The following KLHL29 variants were observed in gnomAD, a reference collection of about 807,000 sequenced individuals.
KLHL29 encodes kelch like family member 29.
In KLHL29, 21 loss-of-function variants were observed where a neutral mutation model predicts 80.4. That is an observed-to-expected ratio of 0.26 (90% CI 0.19 to 0.38). The LOEUF (loss-of-function observed/expected upper bound fraction) is 0.38. Among genes scored for constraint, KLHL29 ranks in the 10% least tolerant of loss-of-function variants. KLHL29 has a pLI of 1.00. For missense variants in KLHL29, 867 were observed against 1,223.9 expected (o/e 0.71, Z 4.35); for synonymous variants, 511 against 526.8 (o/e 0.97, Z 0.41).
At position 23,684,727 on chromosome 2, in the gene KLHL29, G is replaced by A. The variant is rs547244734; in HGVS notation, c.1079+190G>A. The stretch of plus-strand genomic sequence containing the variant: ...CACACAGCCTCAGAGCAGCCACTGC[G>A]CCCAGCACCCGCCCCCACCCACAGC... On this transcript the variant is annotated intron_variant, in intron 6 of 13. Coordinates refer to ENST00000486442, the MANE Select transcript of KLHL29 (RefSeq NM_052920.2). The surrounding 1 kb of genome is among the most constrained non-coding windows in gnomAD (Gnocchi z 4.4). Among the ~76,000 whole-genome samples the A allele has an allele frequency of 2.0e-5, 3 of 151,868 alleles. No individual in the cohort carries two copies. Among genetic ancestry groups the A allele is most frequent in the Admixed American group, 6.6e-5 (1 of 15,248 alleles).
chr2:23,700,072 C>CTT lies in KLHL29; in HGVS notation c.2106-3112_2106-3111dup, dbSNP rs1305653697. On this transcript the variant is annotated intron_variant, in intron 11 of 13. Coordinates refer to ENST00000486442, the MANE Select transcript of KLHL29 (RefSeq NM_052920.2). This position sits in a 1 kb window ranked among gnomAD's most constrained non-coding sequence, Gnocchi z 4.6. Reference sequence around the variant, plus strand: ...AAATGGACTCCACGTTCCCTCTGCACTTTGGATTCCATTTGCATCCACCTC... The same window carrying CTT: ...AAATGGACTCCACGTTCCCTCTGCACTTTTTGGATTCCATTTGCATCCACCTC... Among the ~76,000 whole-genome samples, 1 of 152,234 alleles carries CTT rather than the reference C, an allele frequency of 6.6e-6. No homozygotes were observed. Among genetic ancestry groups the CTT allele is most frequent in the Non-Finnish European group, 1.5e-5 (1 of 68,036 alleles).
chr2:23,523,031 T>TG (rs1275724256), intron 2 of KLHL29, among the ~76,000 whole-genome samples: 1 of 142,778 alleles, frequency 7.0e-6, no homozygotes, highest in Non-Finnish European at 1.5e-5. Context: ...CCTGTGGGGG[T>TG]GGTTACGGGC....
chr2:23,706,507 A>G lies in KLHL29; in HGVS notation c.2471A>G (p.Tyr824Cys). 6.5e-7 allele frequency: 1 copy of G among 1,532,856 alleles called. No individual in the cohort carries two copies. Among genetic ancestry groups the G allele is most frequent in the Non-Finnish European group, 8.7e-7 (1 of 1,144,746 alleles). 95.0% of individuals were successfully genotyped at this position (1,532,856 alleles called of 1,614,324 possible). ...GCTGTGGTGCTTGATGGCAAGATTT[A>G]TGCAACTGGAGGTATTGTCAGCAGT... ...CSAVVLDGKI[Y>C]ATGGIVSSEG... The change falls in exon 14 of 14, where the codon TAT (tyrosine) becomes TGT (cysteine). Residue 824 changes from tyrosine to cysteine, a missense_variant. Around this residue, in one of 2 missense-constraint regions of KLHL29, gnomAD observed 443 missense variants for 767.0 expected, o/e 0.58. Transcript: ENST00000486442.
chr2:23,403,726 A>AGAGT (rs534136885), intron 1 of KLHL29, among the ~76,000 whole-genome samples: 2,577 of 144,050 alleles, frequency 0.018, 23 homozygotes, highest in South Asian at 0.047. Context: ...AGAGAGAGAG[A>AGAGT]GTGTGTGTGT....
At chr2:23,448,480 G>T (rs1486626258) in intron 1 of KLHL29, among the ~76,000 whole-genome samples, 29 of 152,192 alleles carry the variant, frequency 1.9e-4, no homozygotes, top group Non-Finnish European at 1.5e-5. Flanking sequence ...TTTAAGAAAA[G>T]ATTAATAGAG....
intron 2 of KLHL29, among the ~76,000 whole-genome samples, chr2:23,559,125 G>A (rs572678426): frequency 9.9e-5 from 15 of 152,242 alleles, no homozygotes; most frequent in African/African-American, 3.1e-4. Flanking sequence ...GGGGAGGGTC[G>A]GAAGCCATTC....
intron 3 of KLHL29, among the ~76,000 whole-genome samples, chr2:23,637,105 G>A (rs1459102045): frequency 6.6e-6 from 1 of 152,150 alleles, no homozygotes; most frequent in Non-Finnish European, 1.5e-5. Context: ...TGTCCAGGAA[G>A]GGAGTGCCGG....
chr2:23,566,430 T>C (rs1444118272), intron 3 of KLHL29, among the ~76,000 whole-genome samples: 3 of 152,254 alleles, frequency 2.0e-5, no homozygotes, highest in South Asian at 2.1e-4. Flanking sequence ...CCAGCTCCTC[T>C]TCCCACTCCA....
intron 3 of KLHL29, among the ~76,000 whole-genome samples, chr2:23,588,340 A>G (rs965324221): frequency 3.3e-4 from 50 of 152,160 alleles, no homozygotes; most frequent in African/African-American, 1.1e-3. Flanking sequence ...CACCAGTTTC[A>G]GGTTGCCCAC....
At chr2:23,656,478 T>C (rs150090160) in intron 5 of KLHL29, among the ~76,000 whole-genome samples, 1,866 of 152,292 alleles carry the variant, frequency 0.012, 24 homozygotes, top group Non-Finnish European at 0.019. Context: ...GAGTCAGATA[T>C]CATGTTTGCA....
chr2:23,591,284 T>G (rs1668254119), intron 3 of KLHL29, among the ~76,000 whole-genome samples: 1 of 152,104 alleles, frequency 6.6e-6, no homozygotes, highest in Non-Finnish European at 1.5e-5. Context: ...CCGGCTGCCC[T>G]GCAGACTAAA....
At chr2:23,500,589 A>G (rs1292095080) in intron 2 of KLHL29, among the ~76,000 whole-genome samples, 2 of 152,330 alleles carry the variant, frequency 1.3e-5, no homozygotes, top group African/African-American at 4.8e-5. Context: ...GACATGATGC[A>G]TATGTGATGG....
intron 3 of KLHL29, among the ~76,000 whole-genome samples, chr2:23,638,223 T>G (rs1194281293): frequency 6.6e-6 from 1 of 152,134 alleles, no homozygotes; most frequent in South Asian, 2.1e-4. Context: ...CACAGGGATG[T>G]TTACATAGGG....
chr2:23,692,717 C>T (rs975738552), intron 7 of KLHL29, among the ~76,000 whole-genome samples: 8 of 151,528 alleles, frequency 5.3e-5, no homozygotes, highest in East Asian at 2.0e-4. Flanking sequence ...AAACAGGATA[C>T]GGAGATGGCT....
intron 2 of KLHL29, among the ~76,000 whole-genome samples, chr2:23,508,320 G>A (rs1665665978): frequency 6.6e-6 from 1 of 152,258 alleles, no homozygotes; most frequent in Non-Finnish European, 1.5e-5. Flanking sequence ...ACACTCACAG[G>A]TTGGGTGGTC....
intron 1 of KLHL29, among the ~76,000 whole-genome samples, chr2:23,445,933 G>A (rs542197622): frequency 4.6e-5 from 7 of 152,276 alleles, no homozygotes; most frequent in Non-Finnish European, 1.0e-4. Flanking sequence ...TTTCTGTCAT[G>A]TGATTGGTCT....
Position 23,696,218 on chromosome 2 carries a change from GC to G in KLHL29, c.1924+88del. 6.7e-7 allele frequency: 1 copy of G among 1,490,990 alleles called. No individual in the cohort carries two copies. The highest frequency in any genetic ancestry group is 2.5e-5 in the East Asian group (1 of 40,632). 92.4% of individuals were successfully genotyped at this position (1,490,990 alleles called of 1,614,324 possible). A position where few individuals can be genotyped will look rare whatever the true frequency, so the allele number is the denominator to read the frequency against. Reference sequence around the variant, plus strand: ...CACGTCAGGGCTGAGGAAGGCCATGGCCCAGAAGTGTCTACTTTGCAGGTGA... The same window carrying G: ...CACGTCAGGGCTGAGGAAGGCCATGGCCAGAAGTGTCTACTTTGCAGGTGA... On this transcript the variant is annotated intron_variant, in intron 10 of 13. Coordinates refer to ENST00000486442, the MANE Select transcript of KLHL29 (RefSeq NM_052920.2). This position sits in a 1 kb window ranked among gnomAD's most constrained non-coding sequence, Gnocchi z 5.5.
intron 5 of KLHL29, among the ~76,000 whole-genome samples, chr2:23,658,497 G>T (rs770951782): frequency 6.6e-6 from 1 of 152,180 alleles, no homozygotes; most frequent in Non-Finnish European, 1.5e-5. Flanking sequence ...CAGGCCCCAC[G>T]TCCCCTTGAC....
intron 3 of KLHL29, among the ~76,000 whole-genome samples, chr2:23,618,428 C>T (rs1201552345): frequency 2.0e-5 from 3 of 152,258 alleles, no homozygotes; most frequent in East Asian, 1.9e-4. Flanking sequence ...TGTGGGAAGG[C>T]CTCATCCGAT....
Sources: allele counts gnomAD v4.1 joint callset (sites outside exome capture counted in the v4.1 genomes callset), GRCh38; gene constraint gnomAD v4.1.1; regional missense constraint gnomAD v4.1.1; non-coding constraint Gnocchi (gnomAD v3.1); transcripts MANE v1.5; gene names NCBI Gene and HGNC (gene_info 2026-07-23, HGNC 2026-07-21).